Variants in RHBDL3 observed in about 807,000 individuals in gnomAD.
RHBDL3 encodes the protein rhomboid like 3.
Under a neutral mutation model 48.2 loss-of-function variants are expected in RHBDL3, and 28 were observed. The ratio of observed to expected loss-of-function variants is 0.58; its 90% confidence interval spans 0.43 to 0.80. The LOEUF is 0.80. RHBDL3 is among the 30% of genes least tolerant of loss of function. RHBDL3 has a pLI of 0.00. For missense variants in RHBDL3, 464 were observed against 542.7 expected, an observed-to-expected ratio of 0.85 and a Z score of 1.44; for synonymous variants, 208 against 232.3, an observed-to-expected ratio of 0.90 and a Z score of 0.95.
chr17:32,294,316 G>C lies in RHBDL3; in HGVS notation c.542G>C (p.Gly181Ala), dbSNP rs776636640. The change falls in exon 5 of 9, where the codon GGG (glycine) becomes GCG (alanine). Residue 181 changes from glycine to alanine, a missense_variant. Coordinates refer to ENST00000269051, the MANE Select transcript of RHBDL3 (RefSeq NM_138328.3). ...LLEVAFFLYNGVSLGQFVLQV... is the reference protein window; with the variant it reads ...LLEVAFFLYNAVSLGQFVLQV... ...CAGGTTGCCTTTTTCCTCTACAATG[G>C]GGTGTCACTAGGTCAATTTGTACTG... 5.0e-6 allele frequency: 8 copies of C among 1,613,674 alleles called. No individual in the cohort carries two copies. In the African/African-American group the frequency reaches 9.4e-5, roughly 19 times the overall value.
chr17:32,299,970 G>A (rs912197610), intron 6 of RHBDL3, among the ~76,000 whole-genome samples: 5 of 152,194 alleles, frequency 3.3e-5, no homozygotes, highest in African/African-American at 1.2e-4. Context: ...CCGGTTTACA[G>A]CCAGCCAGCC....
At position 32,285,290 on chromosome 17, in the gene RHBDL3, G is replaced by A. The variant is rs539891954; in HGVS notation, c.294+473G>A. Among the ~76,000 whole-genome samples the A allele has an allele frequency of 7.9e-5, 12 of 152,288 alleles. No individual in the cohort carries two copies. The South Asian group carries it at 8.3e-4, about 11-fold the overall frequency. The stretch of plus-strand genomic sequence containing the variant: ...TGGGTCAGTAGGATGGGTAGATTGC[G>A]TTAAATCAATCATTGCCCCACTCCT... On this transcript the variant is annotated intron_variant, in intron 3 of 8. Transcript: ENST00000269051.
rs2041136467 is a variant in RHBDL3 at position 32,321,601 on chromosome 17, A to C, written c.*372A>C. 2.6e-6 allele frequency: 1 copy of C among 378,024 alleles called. No individual in the cohort carries two copies. Among genetic ancestry groups the C allele is most frequent in the African/African-American group, 2.1e-5 (1 of 48,246 alleles). 23.4% of individuals were successfully genotyped at this position (378,024 alleles called of 1,614,324 possible). A position where few individuals can be genotyped will look rare whatever the true frequency, so the allele number is the denominator to read the frequency against. ...AGCTTCTTCCTCCTCCTCTACCCTC[A>C]GAGACCCTAAGAGACATGGGAAGGC... On this transcript the variant is annotated 3_prime_UTR_variant, in exon 9 of 9. Coordinates refer to ENST00000269051, the MANE Select transcript of RHBDL3 (RefSeq NM_138328.3).
At chr17:32,296,380 G>A (rs4503847) in intron 5 of RHBDL3, among the ~76,000 whole-genome samples, 2 of 122,562 alleles carry the variant, frequency 1.6e-5, no homozygotes, top group African/African-American at 6.3e-5. Context: ...GTGTCACCCA[G>A]GCTGGAGTGC....
In RHBDL3 at chr17:32,294,265, T is replaced by C. The variant is rs748916474; in HGVS notation, c.520-29T>C. On this transcript the variant is annotated intron_variant, in intron 4 of 8. Coordinates refer to ENST00000269051, the MANE Select transcript of RHBDL3 (RefSeq NM_138328.3). ...GGAAGTTTCCTGGGCAGTGTGCACC[T>C]AGTAACAGACTCTCTCTCTTCTGTC... is the stretch of plus-strand genomic sequence containing the variant. 1.9e-6 allele frequency: 3 copies of C among 1,607,620 alleles called. No homozygotes were observed. The East Asian group carries it at 6.7e-5, about 36-fold the overall frequency.
At chr17:32,267,999 G>A (rs1597602577) in intron 2 of RHBDL3, 74 bp downstream of exon 2, 13 of 1,141,182 alleles carry the variant, frequency 1.1e-5, no homozygotes, top group South Asian at 4.9e-5. Flanking sequence ...GCTTGCGTGG[G>A]CTTCCCTAGC....
chr17:32,317,946 C>T (rs994771373), intron 8 of RHBDL3, among the ~76,000 whole-genome samples: 8 of 151,772 alleles, frequency 5.3e-5, no homozygotes, highest in South Asian at 2.1e-4. Context: ...GTGTGGCTGA[C>T]GCCTGTAATC....
chr17:32,303,409 C>T (rs1421439423), intron 6 of RHBDL3, among the ~76,000 whole-genome samples: 4 of 152,288 alleles, frequency 2.6e-5, no homozygotes, highest in Admixed American at 1.3e-4. Flanking sequence ...ACCAGGAGAG[C>T]GTGGGAAACC....
At chr17:32,284,844 C>CG (rs1176912496) in intron 3 of RHBDL3, 27 bp downstream of exon 3, 8 of 1,601,768 alleles carry the variant, frequency 5.0e-6, no homozygotes, top group African/African-American at 4.0e-5. Flanking sequence ...CCTTGGTACT[C>CG]GGGGGGACCT....
intron 7 of RHBDL3, among the ~76,000 whole-genome samples, chr17:32,310,308 G>A (rs1373454992): frequency 3.3e-5 from 5 of 152,130 alleles, no homozygotes; most frequent in East Asian, 1.9e-4. Flanking sequence ...TTGGCCGGGC[G>A]TGGTGGCTCA....
intron 3 of RHBDL3, among the ~76,000 whole-genome samples, chr17:32,285,460 C>T (rs1051312212): frequency 5.9e-5 from 9 of 151,982 alleles, no homozygotes; most frequent in Admixed American, 2.6e-4. Context: ...TCTGCTCAGC[C>T]GATGCCCTGG....
At chr17:32,274,812 T>TTATG (rs76094902) in intron 2 of RHBDL3, among the ~76,000 whole-genome samples, 19,326 of 80,274 alleles carry the variant, frequency 0.24, 1,457 homozygotes, top group Non-Finnish European at 0.27. Flanking sequence ...GCACGTGTGT[T>TTATG]TGTGCATGAG....
At position 32,298,172 on chromosome 17, in the gene RHBDL3, T is replaced by C; in HGVS notation, c.749T>C (p.Ile250Thr). Residue 250 changes from isoleucine (I) to threonine (T), a missense_variant, in exon 6 of 9, where the codon ATT (isoleucine) becomes ACT (threonine). By Grantham distance (89) the Ile-to-Thr change is moderately conservative. Transcript: ENST00000269051. ...GAGATGGTGCATGGAGCCACCCGAA[T>C]TGGGCTTGTCTACGTGGCCGGTGTT... ...PLEMVHGATR[I>T]GLVYVAGVVA... The C allele has an allele frequency of 3.1e-6, 5 of 1,613,966 alleles. No homozygotes were observed. The South Asian group carries it at 5.5e-5, about 18-fold the overall frequency.
chr17:32,309,444 C>T (rs1437929766), intron 7 of RHBDL3, among the ~76,000 whole-genome samples: 5 of 151,856 alleles, frequency 3.3e-5, no homozygotes, highest in Non-Finnish European at 5.9e-5. Flanking sequence ...CCCAGCTACT[C>T]GGGAGGCTGA....
intron 2 of RHBDL3, 115 bp from the exon 3 acceptor site, chr17:32,284,544 C>T (rs1054990483): frequency 8.3e-6 from 8 of 960,508 alleles, no homozygotes; most frequent in Non-Finnish European, 1.3e-5. Flanking sequence ...CACTGAGCCT[C>T]TGCCAGGGGC....
At chr17:32,285,616 A>G (rs1372740030) in intron 3 of RHBDL3, among the ~76,000 whole-genome samples, 1 of 152,152 alleles carries the variant, frequency 6.6e-6, no homozygotes, top group Non-Finnish European at 1.5e-5. Context: ...TTAAGCAGGC[A>G]GTATTTCACC....
At chr17:32,316,549 G>C (rs55794676) in intron 8 of RHBDL3, among the ~76,000 whole-genome samples, 22,057 of 151,908 alleles carry the variant, frequency 0.15, 2,180 homozygotes, top group African/African-American at 0.27. Context: ...GTGTCTCCCT[G>C]TGTCATCCAG....
chr17:32,290,339 A>T (rs1826391206), intron 4 of RHBDL3, among the ~76,000 whole-genome samples: 1 of 152,194 alleles, frequency 6.6e-6, no homozygotes. Flanking sequence ...CCATTTCCAG[A>T]TAAAGAAACT....
At chr17:32,307,198 G>A (rs533364117) in intron 7 of RHBDL3, among the ~76,000 whole-genome samples, 4 of 152,174 alleles carry the variant, frequency 2.6e-5, no homozygotes, top group African/African-American at 7.2e-5. Flanking sequence ...GGGAGCCTCC[G>A]GGTCTTACTT....
Sources: allele counts gnomAD v4.1 joint callset (sites outside exome capture counted in the v4.1 genomes callset), GRCh38; gene constraint gnomAD v4.1.1; transcripts MANE v1.5; gene names NCBI Gene and HGNC (gene_info 2026-07-23, HGNC 2026-07-21).